The following PPFIBP2 variants were observed in gnomAD, a reference collection of about 807,000 sequenced individuals.
PPFIBP2 encodes PPFIB scaffold protein 2.
Under a neutral mutation model 118.3 loss-of-function variants are expected in PPFIBP2, and 118 were observed. That is an observed-to-expected ratio of 1.00 (90% confidence interval 0.86 to 1.16). The LOEUF is 1.16. Ranked by LOEUF, PPFIBP2 falls within the 50% of genes most tolerant of loss-of-function variation. The probability of loss-of-function intolerance (pLI) is 0.00; values close to 1 mark genes in which losing one functional copy is unlikely to be tolerated. For missense variants in PPFIBP2, 1,195 were observed against 1,073.1 expected, an observed-to-expected ratio of 1.11 and a Z score of -1.59; for synonymous variants, 414 against 397.4, an observed-to-expected ratio of 1.04 and a Z score of -0.50.
chr11:7,563,289 G>C (rs1854558274), intron 2 of PPFIBP2, among the ~76,000 whole-genome samples: 1 of 152,132 alleles, frequency 6.6e-6, no homozygotes, highest in East Asian at 1.9e-4. Context: ...GGAGATTGGA[G>C]GTCTTGCTCT....
intron 3 of PPFIBP2, among the ~76,000 whole-genome samples, chr11:7,567,527 T>C (rs7105640): frequency 0.34 from 51,294 of 151,954 alleles, 9,798 homozygotes; most frequent in African/African-American, 0.53. Flanking sequence ...AACCTATGCA[T>C]GGCGAAGCAA....
intron 3 of PPFIBP2, among the ~76,000 whole-genome samples, chr11:7,589,671 T>C (rs1354393017): frequency 6.6e-6 from 1 of 152,126 alleles, no homozygotes; most frequent in African/African-American, 2.4e-5. Context: ...GATTGGACTT[T>C]CTTCTCTGTG....
At chr11:7,631,859 A>G (rs12708352) in intron 11 of PPFIBP2, among the ~76,000 whole-genome samples, 32,244 of 152,132 alleles carry the variant, frequency 0.21, 3,777 homozygotes, top group Middle Eastern at 0.29. Flanking sequence ...TGTGATGAAC[A>G]TTGTATCTGG....
At chr11:7,537,201 C>G (rs186547123) in intron 1 of PPFIBP2, among the ~76,000 whole-genome samples, 3 of 152,322 alleles carry the variant, frequency 2.0e-5, no homozygotes, top group Admixed American at 6.5e-5. Flanking sequence ...GCTGGGGCAG[C>G]TTCATTCGCT....
At chr11:7,565,306 G>A (rs570800654) in intron 2 of PPFIBP2, among the ~76,000 whole-genome samples, 1 of 152,302 alleles carries the variant, frequency 6.6e-6, no homozygotes, top group Admixed American at 6.5e-5. Context: ...TGTTGCCCAG[G>A]CTGGAGAGTA....
At chr11:7,638,149 A>G (rs977919138) in intron 14 of PPFIBP2, among the ~76,000 whole-genome samples, 1 of 152,192 alleles carries the variant, frequency 6.6e-6, no homozygotes, top group African/African-American at 2.4e-5. Flanking sequence ...TCCTTGTTAA[A>G]AATATAGACA....
chr11:7,541,411 C>T (rs540141283), intron 1 of PPFIBP2, among the ~76,000 whole-genome samples: 3 of 152,134 alleles, frequency 2.0e-5, no homozygotes, highest in Non-Finnish European at 4.4e-5. Flanking sequence ...TCACCAGTAG[C>T]GTGAGTTTGG....
rs201767093 is a variant in PPFIBP2, at chr11:7,549,498, C to T, written c.23C>T (p.Ala8Val). 57 of 1,562,702 alleles carry T rather than the reference C, an allele frequency of 3.6e-5. No individual in the cohort carries two copies. The highest frequency in any genetic ancestry group is 2.9e-4 in the East Asian group (12 of 41,608). ...GTCATGGCTTCTGATGCTAGTCATG[C>T]GCTGGAAGCTGCCCTGGAGCAAATG... MASDASH[A>V]LEAALEQMDG... The change falls in exon 2 of 24, where the codon GCG (alanine) becomes GTG (valine). Residue 8 changes from alanine to valine, a missense_variant. By Grantham distance (64) the Ala-to-Val change is moderately conservative. Coordinates refer to ENST00000299492, the MANE Select transcript of PPFIBP2 (RefSeq NM_003621.5).
rs1022231493 is a variant in PPFIBP2 at position 7,653,475 on chromosome 11, C to G, written c.*257C>G. On this transcript the variant is annotated 3_prime_UTR_variant, in exon 24 of 24. Transcript: ENST00000299492. Reference sequence around the variant, plus strand: ...GACACTTAAAGACACTTTTACATGTCTAGTAATTCTTGATGTTCATCTTCA... The same window carrying G: ...GACACTTAAAGACACTTTTACATGTGTAGTAATTCTTGATGTTCATCTTCA... 2.1e-6 allele frequency: 3 copies of G among 1,462,052 alleles called. No homozygotes were observed. The highest frequency in any genetic ancestry group is 2.7e-6 in the Non-Finnish European group (3 of 1,100,688). The allele number at this position is 1,462,052 out of a possible 1,614,324, so 90.6% of individuals were successfully genotyped here.
At chr11:7,562,054 C>T (rs140886885) in intron 2 of PPFIBP2, among the ~76,000 whole-genome samples, 4 of 152,340 alleles carry the variant, frequency 2.6e-5, no homozygotes, top group Non-Finnish European at 5.9e-5. Context: ...AGTGAGCAAC[C>T]TAGATCCCTC....
rs773946272 is a variant in PPFIBP2 at position 7,620,925 on chromosome 11, C to T, written c.619-10C>T. ...CCATCAGAACTTTGTCTTTCTCCCT[C>T]ATCCCCTAGGAGTTACTGCAAGAGC... On this transcript the variant is annotated splice_polypyrimidine_tract_variant and intron_variant, in intron 6 of 23. Transcript: ENST00000299492. 3 of 1,584,628 alleles carry T rather than the reference C, an allele frequency of 1.9e-6. No homozygotes were observed. Among genetic ancestry groups the T allele is most frequent in the South Asian group, 1.1e-5 (1 of 90,438 alleles).
intron 17 of PPFIBP2, among the ~76,000 whole-genome samples, chr11:7,646,438 G>A (rs544579951): frequency 1.3e-5 from 2 of 152,308 alleles, no homozygotes; most frequent in East Asian, 3.9e-4. Context: ...TATTGTCATA[G>A]AAGATAAATA....
At chr11:7,576,112 G>A (rs1444088526) in intron 3 of PPFIBP2, among the ~76,000 whole-genome samples, 1 of 152,236 alleles carries the variant, frequency 6.6e-6, no homozygotes, top group Non-Finnish European at 1.5e-5. Context: ...CATGCTGAGG[G>A]GCATGCGGCA....
chr11:7,524,195 G>T (rs1435961513), intron 1 of PPFIBP2, among the ~76,000 whole-genome samples: 1 of 152,010 alleles, frequency 6.6e-6, no homozygotes, highest in African/African-American at 2.4e-5. Flanking sequence ...TAGGGACAAG[G>T]GGGACAGAGA....
intron 3 of PPFIBP2, among the ~76,000 whole-genome samples, chr11:7,591,454 A>G (rs901617959): frequency 3.3e-5 from 5 of 151,840 alleles, no homozygotes; most frequent in Admixed American, 2.0e-4. Context: ...ACCTGCTATT[A>G]AGAATTATTC....
At chr11:7,639,925 A>C in intron 15 of PPFIBP2, 55 bp downstream of exon 15, 1 of 1,570,714 alleles carries the variant, frequency 6.4e-7, no homozygotes, top group Non-Finnish European at 8.6e-7. Context: ...TGGCACTTTC[A>C]ATGATTGTAT....
chr11:7,562,285 A>G (rs1854386266), intron 2 of PPFIBP2, among the ~76,000 whole-genome samples: 1 of 152,230 alleles, frequency 6.6e-6, no homozygotes, highest in South Asian at 2.1e-4. Flanking sequence ...TCATATGGCC[A>G]TTGGTAGAAG....
intron 3 of PPFIBP2, chr11:7,577,489 AG>A (rs1208037089): frequency 5.4e-5 from 24 of 445,134 alleles, no homozygotes; most frequent in Non-Finnish European, 1.0e-4. Context: ...GGAGTTCTTG[AG>A]GGGGGAGGGG....
intron 3 of PPFIBP2, among the ~76,000 whole-genome samples, chr11:7,574,824 G>A (rs1856088269): frequency 6.6e-6 from 1 of 152,046 alleles, no homozygotes; most frequent in African/African-American, 2.4e-5. Context: ...CTTTTGGGGT[G>A]TTAATTTGTG....
Sources: allele counts gnomAD v4.1 joint callset (sites outside exome capture counted in the v4.1 genomes callset), GRCh38; gene constraint gnomAD v4.1.1; transcripts MANE v1.5; gene names NCBI Gene and HGNC (gene_info 2026-07-23, HGNC 2026-07-21).